Variants in EPS8L3 observed in about 807,000 individuals in gnomAD.
EPS8L3 encodes epidermal growth factor receptor kinase substrate 8-like protein 3.
Under a neutral mutation model 88.5 loss-of-function variants are expected in EPS8L3, and 80 were observed. The ratio of observed to expected loss-of-function variants is 0.90; its 90% CI spans 0.75 to 1.09. The LOEUF (loss-of-function observed/expected upper bound fraction) is 1.09. Among genes scored for constraint, EPS8L3 ranks in the 50% least tolerant of loss-of-function variants. The pLI is 0.00. For synonymous variants in EPS8L3, 286 were observed against 291.0 expected (o/e 0.98, Z 0.18); for missense variants, 721 against 735.2 (o/e 0.98, Z 0.22).
chr1:109,760,101 C>T lies in EPS8L3; in HGVS notation c.97-265G>A, dbSNP rs2101516901. On this transcript the variant is annotated intron_variant, in intron 3 of 18. Transcript: ENST00000361965. ...GACTCTGGAGGAAGGACAGGCATGG[C>T]CTTTACTAGTCCAGGCCAGGTGAGG... 2.6e-5 allele frequency among the ~76,000 whole-genome samples: 4 copies of T among 152,250 alleles called. No individual in the cohort carries two copies. The Middle Eastern group carries it at 0.014, about 518-fold the overall frequency.
rs367882098 is a variant in EPS8L3 at position 109,751,976 on chromosome 1, C to A, written c.1434+19G>T. On this transcript the variant is annotated intron_variant, in intron 15 of 18. Transcript: ENST00000361965. Reference sequence around the variant, plus strand: ...CACCAACCACCACCTCCTTTTCTAGCCTATGGCCCAAGCCTCACCTCCAGC... The same window carrying A: ...CACCAACCACCACCTCCTTTTCTAGACTATGGCCCAAGCCTCACCTCCAGC... The A allele has an allele frequency of 1.3e-6, 2 of 1,585,104 alleles. No homozygotes were observed.
At chr1:109,756,161 A>G (rs78103110) in intron 12 of EPS8L3, among the ~76,000 whole-genome samples, 3 of 152,320 alleles carry the variant, frequency 2.0e-5, no homozygotes, top group East Asian at 3.9e-4. Context: ...CCTCTGTGGA[A>G]TGTTCCAAGG....
chr1:109,757,641 G>A, intron 10 of EPS8L3, 86 bp from the exon 11 acceptor site: 1 of 1,449,386 alleles, frequency 6.9e-7, no homozygotes, highest in Middle Eastern at 1.7e-4. Context: ...GCCTTGGCTG[G>A]AAGGCTGGCA....
In EPS8L3 at chr1:109,759,795, C is replaced by A. The variant is rs149865084; in HGVS notation, c.138G>T (p.Gly46=). 52 of 1,613,962 alleles carry A rather than the reference C, an allele frequency of 3.2e-5. No homozygotes were observed. Among genetic ancestry groups the A allele is most frequent in the Non-Finnish European group, 4.1e-5 (48 of 1,180,024 alleles). The change falls in exon 4 of 19, where the codon GGG becomes GGT. Residue 46 remains glycine (G), a synonymous_variant. Coordinates refer to ENST00000361965, the MANE Select transcript of EPS8L3 (RefSeq NM_133181.4). The surrounding 1 kb of genome is among the most constrained non-coding windows in gnomAD (Gnocchi z 4.2). ...TCKQGSQRVQ[G]PEDALQKLFE... is the part of the protein sequence containing the mutation. ...ACAGCTTCTGCAAGGCATCCTCGGG[C>A]CCCTGGACTCTCTGACTCCCCTGCT...
chr1:109,758,991 A>G lies in EPS8L3; in HGVS notation c.461+71T>C. ...CACAACCTCCTGGGTGCCCCAAGAT[A>G]TGGGGTCAGGGTCTGGCCCCCGAGG... On this transcript the variant is annotated intron_variant, in intron 6 of 18. Transcript: ENST00000361965. 4 of 1,470,074 alleles carry G rather than the reference A, an allele frequency of 2.7e-6. No individual in the cohort carries two copies. In the South Asian group the frequency reaches 3.6e-5, roughly 13 times the overall value. 91.1% of individuals were successfully genotyped at this position (1,470,074 alleles called of 1,614,324 possible).
intron 3 of EPS8L3, 182 bp from the exon 4 acceptor site, chr1:109,760,018 T>C: frequency 6.3e-6 from 4 of 630,440 alleles, no homozygotes; most frequent in Non-Finnish European, 1.1e-5. Context: ...GTCGAAGCAC[T>C]GGGGCCAGGG....
intron 14 of EPS8L3, 150 bp from the exon 15 acceptor site, chr1:109,752,343 T>A: frequency 1.4e-6 from 1 of 732,698 alleles, no homozygotes; most frequent in Non-Finnish European, 2.2e-6. Flanking sequence ...CAGTGTTAGG[T>A]GGGGCTTTCT....
chr1:109,752,367 G>T, intron 14 of EPS8L3, 174 bp from the exon 15 acceptor site: 2 of 644,046 alleles, frequency 3.1e-6, no homozygotes, highest in Non-Finnish European at 5.3e-6. Context: ...GGCAGGAGGG[G>T]TCTGAAATGT....
chr1:109,760,513 C>T (rs1453637623), intron 3 of EPS8L3, among the ~76,000 whole-genome samples: 4 of 151,904 alleles, frequency 2.6e-5, no homozygotes, highest in African/African-American at 4.8e-5. Context: ...CACCCCCCTG[C>T]CCAGGGCCCA....
In EPS8L3 at chr1:109,757,123, T is replaced by A. The variant is rs62636566; in HGVS notation, c.1012A>T (p.Ile338Phe). 1.9e-6 allele frequency: 3 copies of A among 1,613,752 alleles called. No homozygotes were observed. The African/African-American group carries it at 4.0e-5, about 22-fold the overall frequency. Residue 338 changes from isoleucine to phenylalanine, a missense_variant, in exon 12 of 19, where the codon ATC (isoleucine) becomes TTC (phenylalanine). Ile to Phe is a conservative substitution (Grantham distance 21, BLOSUM62 0). Transcript: ENST00000361965. Reference sequence around the variant, plus strand: ...GCTTTAGGGGTGAGGAGGGGTGAGATCACTTGGGCTGCTAGGCCAGCCTCA... The same window carrying A: ...GCTTTAGGGGTGAGGAGGGGTGAGAACACTTGGGCTGCTAGGCCAGCCTCA... ...CPEAGLAAQV[I>F]SPLLTPKAIN...
In EPS8L3 at chr1:109,752,331, G is replaced by T. The variant is rs377653888; in HGVS notation, c.1236-138C>A. ...GGGTTTCTTTAGAGTTTGCTGGCAG[G>T]TCAGTGTTAGGTGGGGCTTTCTGCA... is the stretch of plus-strand genomic sequence containing the variant. On this transcript the variant is annotated intron_variant, in intron 14 of 18. Transcript: ENST00000361965. 78 of 835,756 alleles carry T rather than the reference G, an allele frequency of 9.3e-5. 2 individuals carry two copies. In the East Asian group the frequency reaches 9.9e-4, roughly 11 times the overall value. The allele number at this position is 835,756 out of a possible 1,614,324, so 51.8% of individuals were successfully genotyped here. A position where few individuals can be genotyped will look rare whatever the true frequency, so the allele number is the denominator to read the frequency against.
Position 109,752,716 on chromosome 1 carries a change from G to A in EPS8L3, c.1205C>T (p.Pro402Leu), listed in dbSNP as rs1180162151. The A allele has an allele frequency of 1.3e-6, 2 of 1,551,980 alleles. No homozygotes were observed. Among genetic ancestry groups the A allele is most frequent in the African/African-American group, 1.4e-5 (1 of 73,070 alleles). ...GGAAACAGGGTCCTGGTATCCTAAG[G>A]GTGCCTGTAAGGGACAGAACAGAGA... ...WQLPEPSSQA[P>L]LGYQDPVSLR... The change falls in exon 14 of 19, where the codon CCC becomes CTC. Residue 402 changes from proline to leucine, a missense_variant. Physicochemically the swap from Pro to Leu is moderately conservative, Grantham distance 98. Transcript: ENST00000361965.
chr1:109,756,375 T>G (rs2101460183), intron 12 of EPS8L3, among the ~76,000 whole-genome samples: 1 of 152,166 alleles, frequency 6.6e-6, no homozygotes, highest in East Asian at 1.9e-4. Context: ...AGTAGCTGGG[T>G]TTACAGGCAT....
intron 12 of EPS8L3, 75 bp downstream of exon 12, chr1:109,756,941 TG>T: frequency 6.3e-7 from 1 of 1,582,966 alleles, no homozygotes; most frequent in Non-Finnish European, 8.7e-7. Flanking sequence ...ACATAGAGCC[TG>T]GCCACCTCTG....
Position 109,761,199 on chromosome 1 carries a change from T to C in EPS8L3, c.96+296A>G. 5 of 347,380 alleles carry C rather than the reference T, an allele frequency of 1.4e-5. 1 individual carries two copies. The allele number at this position is 347,380 out of a possible 1,614,324, so 21.5% of individuals were successfully genotyped here. ...GGGAGGGTAGGTGGGTGGGTGGTTG[T>C]AGGTGCTTCTTATCCCATCCTGCTG... On this transcript the variant is annotated intron_variant, in intron 3 of 18. Transcript: ENST00000361965.
At position 109,759,598 on chromosome 1, in the gene EPS8L3, T is replaced by C. The variant is rs1257733895; in HGVS notation, c.255+80A>G. 10 of 1,541,780 alleles carry C rather than the reference T, an allele frequency of 6.5e-6. No individual in the cohort carries two copies. The highest frequency in any genetic ancestry group is 8.8e-6 in the Non-Finnish European group (10 of 1,142,384). On this transcript the variant is annotated intron_variant, in intron 4 of 18. Coordinates refer to ENST00000361965, the MANE Select transcript of EPS8L3 (RefSeq NM_133181.4). This position sits in a 1 kb window ranked among gnomAD's most constrained non-coding sequence, Gnocchi z 4.2. ...GGGAGAGTGGCTGCCCTTTGGGGCA[T>C]GGAGGGTGGAGTTCAAGAGCTAGTG... is the stretch of plus-strand genomic sequence containing the variant.
rs762702784 is a variant in EPS8L3, at chr1:109,752,051, C to T, written c.1378G>A (p.Glu460Lys). Reference sequence around the variant, plus strand: ...TCCCGTGGGTTCCTAGCTTCAAACTCGTACAAGACTTGCATTTTCAGGGCT... The same window carrying T: ...TCCCGTGGGTTCCTAGCTTCAAACTTGTACAAGACTTGCATTTTCAGGGCT... ...QPALKMQVLYEFEARNPRELT... is the reference protein window; with the variant it reads ...QPALKMQVLYKFEARNPRELT... The change falls in exon 15 of 19, where the codon GAG (glutamate) becomes AAG (lysine). Residue 460 changes from glutamate (E) to lysine (K), a missense_variant. Coordinates refer to ENST00000361965, the MANE Select transcript of EPS8L3 (RefSeq NM_133181.4). The T allele has an allele frequency of 9.3e-6, 15 of 1,613,956 alleles. No homozygotes were observed. Among genetic ancestry groups the T allele is most frequent in the Middle Eastern group, 1.6e-4 (1 of 6,062 alleles).
In EPS8L3 at chr1:109,750,718, C is replaced by T. The variant is rs749060245; in HGVS notation, c.1712G>A (p.Cys571Tyr). The stretch of plus-strand genomic sequence containing the variant: ...CAGGATTCGTGGGGCCTCCTGTGGA[C>T]ATAGCATCTGTAGCTCCCCAGGTCT... ...RIRPGELQMLCPQEAPRILSR... is the reference protein window; with the variant it reads ...RIRPGELQMLYPQEAPRILSR... The change falls in exon 18 of 19, where the codon TGT becomes TAT. Residue 571 changes from cysteine to tyrosine, a missense_variant. Transcript: ENST00000361965. 4 of 1,614,212 alleles carry T rather than the reference C, an allele frequency of 2.5e-6. No homozygotes were observed. Among genetic ancestry groups the T allele is most frequent in the Non-Finnish European group, 3.4e-6 (4 of 1,180,038 alleles).
chr1:109,759,134 A>G lies in EPS8L3; in HGVS notation c.406-17T>C, dbSNP rs556178264. On this transcript the variant is annotated splice_polypyrimidine_tract_variant and intron_variant, in intron 5 of 18. Coordinates refer to ENST00000361965, the MANE Select transcript of EPS8L3 (RefSeq NM_133181.4). The surrounding 1 kb of genome is among the most constrained non-coding windows in gnomAD (Gnocchi z 4.2). Reference sequence around the variant, plus strand: ...TCGCTCTGCCTGGGAAGCAGCAGTCAGGCAGGCTAAGTGTGTGTGTGTGTG... The same window carrying G: ...TCGCTCTGCCTGGGAAGCAGCAGTCGGGCAGGCTAAGTGTGTGTGTGTGTG... The G allele has an allele frequency of 6.2e-7, 1 of 1,603,844 alleles. No homozygotes were observed. The highest frequency in any genetic ancestry group is 1.4e-5 in the African/African-American group (1 of 71,084).
Sources: gnomAD v4.1 joint callset for allele counts (sites outside exome capture counted in the v4.1 genomes callset) on GRCh38, gnomAD v4.1.1 for gene constraint, Gnocchi (gnomAD v3.1) non-coding constraint, MANE v1.5 for transcripts, NCBI Gene and HGNC (gene_info 2026-07-23, HGNC 2026-07-21) for gene names.